TRIM3: variants seen among roughly 807,000 people sequenced by gnomAD.
The protein encoded by TRIM3 is tripartite motif containing 3.
Under a neutral mutation model 66.6 loss-of-function variants are expected in TRIM3, and 13 were observed. The observed-to-expected ratio is 0.20, with a 90% CI of 0.13 to 0.31. The LOEUF is 0.31. Among genes scored for constraint, TRIM3 ranks in the 10% least tolerant of loss-of-function variants. TRIM3 has a pLI of 1.00. For missense variants in TRIM3, 711 were observed against 1,020.4 expected (o/e 0.70, Z 4.13); for synonymous variants, 406 against 411.7 (o/e 0.99, Z 0.17).
Position 6,456,884 on chromosome 11 carries a change from A to G in TRIM3, c.842T>C (p.Leu281Ser). 1 of 1,612,580 alleles carries G rather than the reference A, an allele frequency of 6.2e-7. No homozygotes were observed. The highest frequency in any genetic ancestry group is 8.5e-7 in the Non-Finnish European group (1 of 1,179,956). The change falls in exon 6 of 12, where the codon TTG (leucine) becomes TCG (serine). Residue 281 changes from leucine (L) to serine (S), a missense_variant. Coordinates refer to ENST00000345851, the MANE Select transcript of TRIM3 (RefSeq NM_033278.4). This position sits in a 1 kb window ranked among gnomAD's most constrained non-coding sequence, Gnocchi z 6.4. ...RKHMRERLAA[L>S]AAQAFPERPH... ...CCGCTCCGGGAAGGCCTGTGCCGCCAATGCAGCCAGCCGCTCTCGCATGTG... is the reference window on the plus strand; with the variant it reads ...CCGCTCCGGGAAGGCCTGTGCCGCCGATGCAGCCAGCCGCTCTCGCATGTG...
Position 6,449,290 on chromosome 11 carries a change from C to T in TRIM3, c.2082+16G>A. The T allele has an allele frequency of 6.2e-7, 1 of 1,612,982 alleles. No individual in the cohort carries two copies. Among genetic ancestry groups the T allele is most frequent in the Non-Finnish European group, 8.5e-7 (1 of 1,179,138 alleles). On this transcript the variant is annotated intron_variant, in intron 11 of 11. Coordinates refer to ENST00000345851, the MANE Select transcript of TRIM3 (RefSeq NM_033278.4). The surrounding 1 kb of genome is among the most constrained non-coding windows in gnomAD (Gnocchi z 5.3). ...CAGGAAACCGCCCCCTCATGTCATT[C>T]CCAGGCCTTACTCACCTGGATGCGG...
At chr11:6,473,616 C>T (rs2134244644) in intron 1 of TRIM3, among the ~76,000 whole-genome samples, 175 bp downstream of exon 1, 1 of 152,102 alleles carries the variant, frequency 6.6e-6, no homozygotes, top group East Asian at 1.9e-4. Context: ...CTCACGTGAG[C>T]AGCCACAGCC....
chr11:6,450,702 T>C lies in TRIM3; in HGVS notation c.1871-81A>G, dbSNP rs1849684365. 1.4e-6 allele frequency: 2 copies of C among 1,476,622 alleles called. No individual in the cohort carries two copies. Among genetic ancestry groups the C allele is most frequent in the Non-Finnish European group, 1.9e-6 (2 of 1,057,786 alleles). The allele number at this position is 1,476,622 out of a possible 1,614,324, so 91.5% of individuals were successfully genotyped here. A position where few individuals can be genotyped will look rare whatever the true frequency, so the allele number is the denominator to read the frequency against. On this transcript the variant is annotated intron_variant, in intron 9 of 11. Transcript: ENST00000345851. The surrounding 1 kb of genome is among the most constrained non-coding windows in gnomAD (Gnocchi z 4.8). ...GAAGAGTATCTGGGAAGATAAAAGCTAGGGTGTTAGGAGAGGGGTGGGGTC... is the reference window on the plus strand; with the variant it reads ...GAAGAGTATCTGGGAAGATAAAAGCCAGGGTGTTAGGAGAGGGGTGGGGTC...
rs1276493549 is a variant in TRIM3 at position 6,449,514 on chromosome 11, TAGG to T, written c.1942-71_1942-69del. ...CAGAGGGTAGGGCTTTGGAGGAGGATAGGGTGAAGCCCCAGGGCTGAGAACCCC... is the reference window on the plus strand; with the variant it reads ...CAGAGGGTAGGGCTTTGGAGGAGGATGTGAAGCCCCAGGGCTGAGAACCCC... On this transcript the variant is annotated intron_variant, in intron 10 of 11. Coordinates refer to ENST00000345851, the MANE Select transcript of TRIM3 (RefSeq NM_033278.4). This position sits in a 1 kb window ranked among gnomAD's most constrained non-coding sequence, Gnocchi z 5.3. 4 of 1,509,246 alleles carry T rather than the reference TAGG, an allele frequency of 2.7e-6. No individual in the cohort carries two copies. The highest frequency in any genetic ancestry group is 3.6e-6 in the Non-Finnish European group (4 of 1,112,822). The allele number at this position is 1,509,246 out of a possible 1,614,324, so 93.5% of individuals were successfully genotyped here. A position where few individuals can be genotyped will look rare whatever the true frequency, so the allele number is the denominator to read the frequency against.
chr11:6,462,457 G>C (rs957283151), intron 2 of TRIM3, among the ~76,000 whole-genome samples: 1 of 152,068 alleles, frequency 6.6e-6, no homozygotes, highest in Non-Finnish European at 1.5e-5. Context: ...ACCCAGGCTA[G>C]AGTGCAGTGA....
At position 6,457,870 on chromosome 11, in the gene TRIM3, G is replaced by T. The variant is rs542745367; in HGVS notation, c.364-23C>A. 1 of 1,613,706 alleles carries T rather than the reference G, an allele frequency of 6.2e-7. No homozygotes were observed. Among genetic ancestry groups the T allele is most frequent in the South Asian group, 1.1e-5 (1 of 91,058 alleles). ...CGTCTGCGGTACAAGGACTCCAGTC[G>T]GGTAATGGCTAGACATCACACTTCT... On this transcript the variant is annotated intron_variant, in intron 3 of 11. Coordinates refer to ENST00000345851, the MANE Select transcript of TRIM3 (RefSeq NM_033278.4). This position sits in a 1 kb window ranked among gnomAD's most constrained non-coding sequence, Gnocchi z 4.5.
chr11:6,453,997 GAAGC>G (rs953064964), intron 7 of TRIM3, among the ~76,000 whole-genome samples: 1 of 152,206 alleles, frequency 6.6e-6, no homozygotes, highest in African/African-American at 2.4e-5. Flanking sequence ...GGTGGAAGTA[GAAGC>G]AAGAGGAGGA....
rs1302119547 is a variant in TRIM3 at position 6,465,576 on chromosome 11, G to C, written c.120C>G (p.Thr40=). The C allele has an allele frequency of 6.2e-7, 1 of 1,614,088 alleles. No homozygotes were observed. The highest frequency in any genetic ancestry group is 8.5e-7 in the Non-Finnish European group (1 of 1,180,002). The part of the protein sequence containing the change: ...QCPKVLPCLH[T]FCERCLQNYI... ...ACACATCCCCTCACCTCTCACAGAAGGTGTGCAGGCAAGGAAGAACCTTGG... is the reference window on the plus strand; with the variant it reads ...ACACATCCCCTCACCTCTCACAGAACGTGTGCAGGCAAGGAAGAACCTTGG... The change falls in exon 2 of 12, where the codon ACC becomes ACG. Residue 40 remains threonine (T), a synonymous_variant. Coordinates refer to ENST00000345851, the MANE Select transcript of TRIM3 (RefSeq NM_033278.4).
chr11:6,450,899 G>C lies in TRIM3; in HGVS notation c.1863C>G (p.His621Gln). The C allele has an allele frequency of 6.2e-7, 1 of 1,614,188 alleles. No individual in the cohort carries two copies. Among genetic ancestry groups the C allele is most frequent in the Non-Finnish European group, 8.5e-7 (1 of 1,180,026 alleles). The stretch of plus-strand genomic sequence containing the variant: ...GGAGCTGTCCCCCTATACCTGCAAA[G>C]TGGCGGTCAGTGGCCCCACGGCCCC... ...RFGGRGATDRHFAGPHFVAVN... is the reference protein window; with the variant it reads ...RFGGRGATDRQFAGPHFVAVN... The change falls in exon 9 of 12, where the codon CAC becomes CAG. Residue 621 changes from histidine (H) to glutamine (Q), a missense_variant. Physicochemically the swap from His to Gln is conservative, Grantham distance 24. Coordinates refer to ENST00000345851, the MANE Select transcript of TRIM3 (RefSeq NM_033278.4). This position sits in a 1 kb window ranked among gnomAD's most constrained non-coding sequence, Gnocchi z 4.8.
chr11:6,449,338 T>C lies in TRIM3; in HGVS notation c.2050A>G (p.Ile684Val). 6.2e-7 allele frequency: 1 copy of C among 1,614,112 alleles called. No homozygotes were observed. The highest frequency in any genetic ancestry group is 1.1e-5 in the South Asian group (1 of 91,074). Reference sequence around the variant, plus strand: ...CGGCTGTTGCCCCAGTCAGCCACAATGATGTTTCCATTGGAGTCCACAGCT... The same window carrying C: ...CGGCTGTTGCCCCAGTCAGCCACAACGATGTTTCCATTGGAGTCCACAGCT... The part of the protein sequence containing the change: ...GVAVDSNGNI[I>V]VADWGNSRIQ... Residue 684 changes from isoleucine (I) to valine (V), a missense_variant, in exon 11 of 12, where the codon ATT (isoleucine) becomes GTT (valine). Around this residue, in one of 3 missense-constraint regions of TRIM3, gnomAD observed 163 missense variants for 321.9 expected, o/e 0.51. Transcript: ENST00000345851. The surrounding 1 kb of genome is among the most constrained non-coding windows in gnomAD (Gnocchi z 5.3).
In TRIM3 at chr11:6,450,576, G is replaced by A. The variant is rs1849679593; in HGVS notation, c.1916C>T (p.Thr639Met). 4 of 1,614,190 alleles carry A rather than the reference G, an allele frequency of 2.5e-6. No individual in the cohort carries two copies. The highest frequency in any genetic ancestry group is 3.4e-6 in the Non-Finnish European group (4 of 1,180,034). Residue 639 changes from threonine to methionine, a missense_variant, in exon 10 of 12, where the codon ACG becomes ATG. Thr to Met is a moderately conservative substitution (Grantham distance 81). Transcript: ENST00000345851. The surrounding 1 kb of genome is among the most constrained non-coding windows in gnomAD (Gnocchi z 4.8). ...CTTCACTGAATGGTTATGGAAGTCC[G>A]TTACTACAATTTCATTCTTGTTGTT... ...AVNNKNEIVVTDFHNHSVKVY... is the reference protein window; with the variant it reads ...AVNNKNEIVVMDFHNHSVKVY...
chr11:6,457,976 CCT>C lies in TRIM3; in HGVS notation c.363+87_363+88del. The C allele has an allele frequency of 6.5e-7, 1 of 1,536,040 alleles. No homozygotes were observed. Among genetic ancestry groups the C allele is most frequent in the Non-Finnish European group, 8.8e-7 (1 of 1,134,398 alleles). On this transcript the variant is annotated intron_variant, in intron 3 of 11. Coordinates refer to ENST00000345851, the MANE Select transcript of TRIM3 (RefSeq NM_033278.4). The surrounding 1 kb of genome is among the most constrained non-coding windows in gnomAD (Gnocchi z 4.5). The stretch of plus-strand genomic sequence containing the variant: ...CTGGACCACTAATCCAGAGCAGTAC[CCT>C]GTCACCCAGCCACTCGGCACCCCCC...
intron 2 of TRIM3, among the ~76,000 whole-genome samples, chr11:6,464,495 C>T (rs560263913): frequency 6.6e-6 from 1 of 152,322 alleles, no homozygotes; most frequent in South Asian, 2.1e-4. Context: ...GCAGCACTTA[C>T]TAAAAGTTAT....
chr11:6,458,364 C>T lies in TRIM3; in HGVS notation c.132-68G>A. On this transcript the variant is annotated intron_variant, in intron 2 of 11. Transcript: ENST00000345851. The surrounding 1 kb of genome is among the most constrained non-coding windows in gnomAD (Gnocchi z 6.2). Reference sequence around the variant, plus strand: ...CATAAGTGCACCCTTCCTTATACTTCCCATGGGTGCCAACCCCTTCCCTCA... The same window carrying T: ...CATAAGTGCACCCTTCCTTATACTTTCCATGGGTGCCAACCCCTTCCCTCA... 1 of 1,309,890 alleles carries T rather than the reference C, an allele frequency of 7.6e-7. No homozygotes were observed. The highest frequency in any genetic ancestry group is 1.1e-6 in the Non-Finnish European group (1 of 925,278). 81.1% of individuals were successfully genotyped at this position (1,309,890 alleles called of 1,614,324 possible). A position where few individuals can be genotyped will look rare whatever the true frequency, so the allele number is the denominator to read the frequency against.
In TRIM3 at chr11:6,456,116, T is replaced by C. The variant is rs967185186; in HGVS notation, c.1489A>G (p.Ser497Gly). The C allele has an allele frequency of 1.9e-6, 3 of 1,614,084 alleles. No homozygotes were observed. In the African/African-American group the frequency reaches 4.0e-5, roughly 22 times the overall value. The change falls in exon 7 of 12, where the codon AGC becomes GGC. Residue 497 changes from serine (S) to glycine (G), a missense_variant. This residue lies in a region of TRIM3 where 399 missense variants were observed against 458.1 expected (regional missense o/e 0.87). Transcript: ENST00000345851. The surrounding 1 kb of genome is among the most constrained non-coding windows in gnomAD (Gnocchi z 6.4). ...TNLQGVSAAS[S>G]GRIVVADSNN... ...CTGTCTGCTACCACGATGCGGCCGC[T>C]GCTGGCTGCGGACACACCTTGTAAA...
In TRIM3 at chr11:6,464,660, T is replaced by G. The variant is rs146086652; in HGVS notation, c.131+905A>C. On this transcript the variant is annotated intron_variant, in intron 2 of 11. Coordinates refer to ENST00000345851, the MANE Select transcript of TRIM3 (RefSeq NM_033278.4). ...TATGCTTGTGTAACAATGTATCACA[T>G]GTTCCCCATAAATATGTAAACTATT... Among the ~76,000 whole-genome samples the G allele has an allele frequency of 2.2e-4, 33 of 152,334 alleles. No homozygotes were observed. In the South Asian group the frequency reaches 3.9e-3, roughly 18 times the overall value.
At chr11:6,455,700 A>G (rs1373893069) in intron 7 of TRIM3, among the ~76,000 whole-genome samples, 1 of 152,212 alleles carries the variant, frequency 6.6e-6, no homozygotes, top group East Asian at 1.9e-4. Flanking sequence ...GTTGGAAGAC[A>G]CGGAGGGCAG....
At position 6,450,708 on chromosome 11, in the gene TRIM3, G is replaced by T; in HGVS notation, c.1871-87C>A. Reference sequence around the variant, plus strand: ...TATCTGGGAAGATAAAAGCTAGGGTGTTAGGAGAGGGGTGGGGTCTCCAGG... The same window carrying T: ...TATCTGGGAAGATAAAAGCTAGGGTTTTAGGAGAGGGGTGGGGTCTCCAGG... On this transcript the variant is annotated intron_variant, in intron 9 of 11. Coordinates refer to ENST00000345851, the MANE Select transcript of TRIM3 (RefSeq NM_033278.4). This position sits in a 1 kb window ranked among gnomAD's most constrained non-coding sequence, Gnocchi z 4.8. 1 of 1,445,850 alleles carries T rather than the reference G, an allele frequency of 6.9e-7. No individual in the cohort carries two copies. The highest frequency in any genetic ancestry group is 9.7e-7 in the Non-Finnish European group (1 of 1,030,528). 89.6% of individuals were successfully genotyped at this position (1,445,850 alleles called of 1,614,324 possible). A position where few individuals can be genotyped will look rare whatever the true frequency, so the allele number is the denominator to read the frequency against.
At position 6,457,911 on chromosome 11, in the gene TRIM3, C is replaced by A; in HGVS notation, c.364-64G>T. The A allele has an allele frequency of 6.3e-7, 1 of 1,592,628 alleles. No homozygotes were observed. Among genetic ancestry groups the A allele is most frequent in the Admixed American group, 1.7e-5 (1 of 59,378 alleles). ...TCACACTTCTTTGTCCCCTCCCCAC[C>A]TGCCCTCCCTGCCCCTCACCTTCTA... On this transcript the variant is annotated intron_variant, in intron 3 of 11. Coordinates refer to ENST00000345851, the MANE Select transcript of TRIM3 (RefSeq NM_033278.4). This position sits in a 1 kb window ranked among gnomAD's most constrained non-coding sequence, Gnocchi z 4.5.
Sources: gnomAD v4.1 joint callset for allele counts (sites outside exome capture counted in the v4.1 genomes callset) on GRCh38, gnomAD v4.1.1 for gene constraint, gnomAD v4.1.1 regional missense constraint, Gnocchi (gnomAD v3.1) non-coding constraint, MANE v1.5 for transcripts, NCBI Gene and HGNC (gene_info 2026-07-23, HGNC 2026-07-21) for gene names.